The following PACRG variants were observed in gnomAD, a reference collection of about 807,000 sequenced individuals.
PACRG encodes the protein parkin coregulated, also known as parkin coregulated gene protein.
A neutral mutation model predicts 29.7 loss-of-function variants in PACRG; 29 were observed. That is an observed-to-expected ratio of 0.98 (90% CI 0.73 to 1.33). The LOEUF (loss-of-function observed/expected upper bound fraction) is 1.33, where lower values mean the gene tolerates loss of function less well. PACRG is among the 40% of genes most tolerant of loss of function. The probability of loss-of-function intolerance (pLI) is 0.00; values close to 1 mark genes in which losing one functional copy is unlikely to be tolerated. For synonymous variants in PACRG, 116 were observed against 118.7 expected, an observed-to-expected ratio of 0.98 and a Z score of 0.15; for missense variants, 279 against 316.2, an observed-to-expected ratio of 0.88 and a Z score of 0.89.
chr6:162,931,044 G>T (rs1241325179), intron 2 of PACRG, among the ~76,000 whole-genome samples: 10 of 151,424 alleles, frequency 6.6e-5, no homozygotes, highest in Non-Finnish European at 1.2e-4. Flanking sequence ...TTCTTTTTTT[G>T]TTGTGTCCTT....
chr6:162,884,858 A>C (rs1794198497), intron 2 of PACRG, among the ~76,000 whole-genome samples: 1 of 152,206 alleles, frequency 6.6e-6, no homozygotes, highest in Admixed American at 6.5e-5. Flanking sequence ...AGCAAGGTCA[A>C]ACAAAGATTT....
intron 1 of PACRG, among the ~76,000 whole-genome samples, chr6:162,796,898 T>C (rs555076309): frequency 3.3e-5 from 5 of 152,334 alleles, no homozygotes; most frequent in South Asian, 4.1e-4. Context: ...CCCAGTCCTT[T>C]CCTGAGAGTC....
chr6:163,262,364 G>A (rs562769570), intron 4 of PACRG, among the ~76,000 whole-genome samples: 5 of 152,300 alleles, frequency 3.3e-5, no homozygotes, highest in Non-Finnish European at 7.4e-5. Context: ...TACCTCATCG[G>A]GTCACTGGGA....
At chr6:163,238,476 G>C (rs985333998) in intron 4 of PACRG, among the ~76,000 whole-genome samples, 34 of 152,190 alleles carry the variant, frequency 2.2e-4, no homozygotes, top group Admixed American at 2.2e-3. Context: ...GGGCAGAACA[G>C]AATTTGAATC....
chr6:163,209,616 A>G (rs1265264697), intron 4 of PACRG, among the ~76,000 whole-genome samples: 1 of 152,204 alleles, frequency 6.6e-6, no homozygotes, highest in Non-Finnish European at 1.5e-5. Context: ...ATATTATGAC[A>G]TTACTGAGTT....
intron 2 of PACRG, among the ~76,000 whole-genome samples, chr6:162,860,542 T>C (rs1455650824): frequency 2.0e-5 from 3 of 152,184 alleles, no homozygotes; most frequent in African/African-American, 7.2e-5. Context: ...TGATCTGCAA[T>C]GTGTGTAGTT....
intron 1 of PACRG, among the ~76,000 whole-genome samples, chr6:162,794,491 T>C (rs1159812914): frequency 6.6e-6 from 1 of 152,212 alleles, no homozygotes; most frequent in African/African-American, 2.4e-5. Context: ...TGTGTCCTTT[T>C]AGCTATCTTT....
chr6:163,117,157 T>C (rs2128322661), intron 4 of PACRG, among the ~76,000 whole-genome samples: 2 of 152,338 alleles, frequency 1.3e-5, no homozygotes, highest in East Asian at 3.9e-4. Flanking sequence ...CATCCCACAC[T>C]GTCTAGCGTT....
At position 163,242,639 on chromosome 6, in the gene PACRG, G is replaced by A. The variant is rs11967397; in HGVS notation, c.614-72188G>A. On this transcript the variant is annotated intron_variant, in intron 4 of 4. Coordinates refer to ENST00000366888, the MANE Select transcript of PACRG (RefSeq NM_001080379.2). ...AAACATTGACAAATAGGGGAAATTA[G>A]GATTGCTCATCCAATATGTTTTGGC... 1.0e-3 allele frequency among the ~76,000 whole-genome samples: 157 copies of A among 152,128 alleles called. 3 individuals carry two copies. The highest frequency in any genetic ancestry group is 7.5e-4 in the Non-Finnish European group (51 of 68,022).
chr6:163,160,268 G>A (rs973716529), intron 4 of PACRG, among the ~76,000 whole-genome samples: 21 of 152,118 alleles, frequency 1.4e-4, no homozygotes, highest in African/African-American at 5.1e-4. Flanking sequence ...GAACTACAGT[G>A]GAAATATATC....
At chr6:162,730,668 A>G (rs1033229856) in intron 1 of PACRG, among the ~76,000 whole-genome samples, 7 of 152,192 alleles carry the variant, frequency 4.6e-5, no homozygotes, top group African/African-American at 1.7e-4. Context: ...ATAATGATAA[A>G]TGTAAATGGC....
At chr6:163,014,319 G>A (rs1397705303) in intron 2 of PACRG, among the ~76,000 whole-genome samples, 1 of 152,146 alleles carries the variant, frequency 6.6e-6, no homozygotes, top group African/African-American at 2.4e-5. Context: ...ATAAGCATGT[G>A]ACTGTATGTG....
intron 2 of PACRG, among the ~76,000 whole-genome samples, chr6:163,047,523 G>A (rs1010915443): frequency 1.8e-4 from 27 of 152,032 alleles, no homozygotes; most frequent in African/African-American, 3.9e-4. Context: ...GACTGTTACC[G>A]TCGGGAACAT....
At chr6:162,781,943 T>C (rs1041396471) in intron 1 of PACRG, among the ~76,000 whole-genome samples, 7 of 151,794 alleles carry the variant, frequency 4.6e-5, no homozygotes, top group Non-Finnish European at 1.0e-4. Flanking sequence ...ATGTAAATGG[T>C]TTAAAAACAC....
intron 2 of PACRG, among the ~76,000 whole-genome samples, chr6:162,983,496 C>T (rs1182551012): frequency 6.6e-6 from 1 of 151,780 alleles, no homozygotes; most frequent in Admixed American, 6.6e-5. Flanking sequence ...TCTTATAATG[C>T]TGGATTGGTA....
chr6:162,791,195 A>C (rs986752256), intron 1 of PACRG, among the ~76,000 whole-genome samples: 3 of 152,114 alleles, frequency 2.0e-5, no homozygotes, highest in Non-Finnish European at 2.9e-5. Flanking sequence ...TATTACATAG[A>C]TACTTAACTT....
chr6:162,858,244 G>GAAGGCAAAGGGGAAGC (rs1452106032), intron 2 of PACRG, among the ~76,000 whole-genome samples: 43 of 152,178 alleles, frequency 2.8e-4, no homozygotes, highest in Non-Finnish European at 5.6e-4. Context: ...AATCACGGTG[G>GAAGGCAAAGGGGAAGC]AAGGCAAAGG....
chr6:162,944,827 A>G (rs1368267940), intron 2 of PACRG, among the ~76,000 whole-genome samples: 1 of 152,146 alleles, frequency 6.6e-6, no homozygotes, highest in Non-Finnish European at 1.5e-5. Context: ...TCTGACATAT[A>G]AGACACCATA....
intron 2 of PACRG, among the ~76,000 whole-genome samples, chr6:162,886,653 A>G (rs1794359094): frequency 6.6e-6 from 1 of 152,244 alleles, no homozygotes; most frequent in East Asian, 1.9e-4. Context: ...GCTGTTTTCT[A>G]AAGTTTTGAC....
Sources: gnomAD v4.1 joint callset for allele counts (sites outside exome capture counted in the v4.1 genomes callset) on GRCh38, gnomAD v4.1.1 for gene constraint, MANE v1.5 for transcripts, NCBI Gene and HGNC (gene_info 2026-07-23, HGNC 2026-07-21) for gene names.